The following DHCR7 variants were observed in gnomAD, a reference collection of about 807,000 sequenced individuals.
DHCR7 encodes the protein 7-DHC reductase.
A neutral mutation model predicts 43.3 loss-of-function variants in DHCR7; 40 were observed. That is an observed-to-expected ratio of 0.92 (90% CI 0.72 to 1.20). The LOEUF is 1.20. Among genes scored for constraint, DHCR7 ranks in the 50% most tolerant of loss-of-function variants. The probability of loss-of-function intolerance (pLI) is 0.00; values close to 1 mark genes in which losing one functional copy is unlikely to be tolerated. For synonymous variants in DHCR7, 298 were observed against 271.4 expected (o/e 1.10, Z -0.96); for missense variants, 608 against 644.6 (o/e 0.94, Z 0.62).
intron 6 of DHCR7, among the ~76,000 whole-genome samples, chr11:71,439,771 G>C (rs567798015): frequency 3.9e-5 from 6 of 152,156 alleles, no homozygotes; most frequent in Non-Finnish European, 8.8e-5. Flanking sequence ...CCTCAGGTAG[G>C]GTAAGTAGAA....
At chr11:71,439,493 G>A (rs758361900) in intron 6 of DHCR7, among the ~76,000 whole-genome samples, 20 of 152,234 alleles carry the variant, frequency 1.3e-4, no homozygotes, top group African/African-American at 3.1e-4. Flanking sequence ...CCAAGCACAC[G>A]GTTTGAAGCC....
intron 6 of DHCR7, 48 bp downstream of exon 6, chr11:71,441,179 G>A (rs1949343392): frequency 6.3e-7 from 1 of 1,576,698 alleles, no homozygotes; most frequent in Non-Finnish European, 8.7e-7. Context: ...GGCCAGGGGT[G>A]AAGTTTGCAC....
At chr11:71,442,187 A>T in intron 5 of DHCR7, 76 bp downstream of exon 5, 1 of 1,067,260 alleles carries the variant, frequency 9.4e-7, no homozygotes, top group Non-Finnish European at 1.4e-6. Flanking sequence ...GGGACAAAGC[A>T]GCGCTGGGGA....
In DHCR7 at chr11:71,444,225, C is replaced by T. The variant is rs189549129; in HGVS notation, c.99-10G>A. On this transcript the variant is annotated splice_polypyrimidine_tract_variant and intron_variant, in intron 3 of 8. Coordinates refer to ENST00000355527, the MANE Select transcript of DHCR7 (RefSeq NM_001360.3). ...AAACCAGTCCACCTCCCTGCGAGGA[C>T]GGATGCAGGCAGTCACACTGGGGCC... 1,320 of 1,567,456 alleles carry T rather than the reference C, an allele frequency of 8.4e-4. 16 individuals carry two copies. In the African/African-American group the frequency reaches 0.016, roughly 19 times the overall value.
chr11:71,448,545 C>G (rs1949430272), upstream of DHCR7: 1 of 152,304 alleles, frequency 6.6e-6, no homozygotes, highest in South Asian at 2.1e-4. Context: ...AGCGGCCGGA[C>G]TCGAGATTGA....
chr11:71,443,791 G>A (rs1462809990), intron 4 of DHCR7, among the ~76,000 whole-genome samples: 1 of 152,122 alleles, frequency 6.6e-6, no homozygotes, highest in Non-Finnish European at 1.5e-5. Context: ...TGTATCAAAC[G>A]CTGATGTGAC....
chr11:71,438,864 A>C lies in DHCR7; in HGVS notation c.831+15T>G, dbSNP rs1188157164. The C allele has an allele frequency of 6.2e-7, 1 of 1,613,106 alleles. No individual in the cohort carries two copies. Among genetic ancestry groups the C allele is most frequent in the Non-Finnish European group, 8.5e-7 (1 of 1,179,754 alleles). On this transcript the variant is annotated intron_variant, in intron 7 of 8. Coordinates refer to ENST00000355527, the MANE Select transcript of DHCR7 (RefSeq NM_001360.3). The stretch of plus-strand genomic sequence containing the variant: ...CCGGCATCGGCGTTTCACCCTCTCC[A>C]GCCATGACAGGCACCTGCAGGACGT...
In DHCR7 at chr11:71,437,805, T is replaced by C. The variant is rs775201083; in HGVS notation, c.963+7A>G. The C allele has an allele frequency of 2.5e-6, 4 of 1,613,592 alleles. No homozygotes were observed. The African/African-American group carries it at 5.3e-5, about 22-fold the overall frequency. On this transcript the variant is annotated splice_region_variant and intron_variant, in intron 8 of 8. Transcript: ENST00000355527. Reference sequence around the variant, plus strand: ...CCCCGCTGGGCCAGCTCTGCCCACCTCCTCACCTGCAGCGTGTAAAGATAA... The same window carrying C: ...CCCCGCTGGGCCAGCTCTGCCCACCCCCTCACCTGCAGCGTGTAAAGATAA...
chr11:71,439,220 T>C, intron 6 of DHCR7, 137 bp from the exon 7 acceptor site: 1 of 820,224 alleles, frequency 1.2e-6, no homozygotes, highest in Non-Finnish European at 2.0e-6. Context: ...AAGCTGGCCA[T>C]GAGCCGCTGG....
At chr11:71,437,004 G>C (rs948823299) in intron 8 of DHCR7, among the ~76,000 whole-genome samples, 1 of 152,164 alleles carries the variant, frequency 6.6e-6, no homozygotes, top group African/African-American at 2.4e-5. Context: ...TGGAGAAATG[G>C]GGCCGGGTGG....
At chr11:71,444,760 G>T in intron 3 of DHCR7, 95 bp downstream of exon 3, 3 of 1,074,116 alleles carry the variant, frequency 2.8e-6, no homozygotes, top group African/African-American at 1.6e-5. Context: ...TTTTAAAAAG[G>T]TCCTTCATTC....
At chr11:71,445,027 AC>A in intron 2 of DHCR7, 69 bp from the exon 3 acceptor site, 1 of 1,371,530 alleles carries the variant, frequency 7.3e-7, no homozygotes, top group Non-Finnish European at 1.0e-6. Context: ...TGTTGCATCC[AC>A]CACTGCTCCT....
At position 71,444,925 on chromosome 11, in the gene DHCR7, G is replaced by C. The variant is rs139166382; in HGVS notation, c.28C>G (p.Pro10Ala). The change falls in exon 3 of 9, where the codon CCC (proline) becomes GCC (alanine). Residue 10 changes from proline (P) to alanine (A), a missense_variant. By Grantham distance (27) the Pro-to-Ala change is conservative. Transcript: ENST00000355527. MAAKSQPNI[P>A]KAKSLDGVTN... Reference sequence around the variant, plus strand: ...ACGCCATCTAGACTCTTGGCTTTGGGAATGTTGGGTTGCGATTTTGCAGCC... The same window carrying C: ...ACGCCATCTAGACTCTTGGCTTTGGCAATGTTGGGTTGCGATTTTGCAGCC... 5.1e-5 allele frequency: 83 copies of C among 1,614,176 alleles called. No homozygotes were observed. The African/African-American group carries it at 1.1e-3, about 21-fold the overall frequency.
upstream of DHCR7, chr11:71,448,696 C>G (rs1413665840): frequency 1.3e-5 from 2 of 152,296 alleles, no homozygotes; most frequent in Non-Finnish European, 2.9e-5. Flanking sequence ...GCGCGGAGAA[C>G]GCGCCAGGCT....
intron 5 of DHCR7, 120 bp downstream of exon 5, chr11:71,442,143 A>G (rs558566634): frequency 2.9e-4 from 235 of 817,730 alleles, no homozygotes; most frequent in Middle Eastern, 9.9e-4. Context: ...GAAAAATCCA[A>G]GCAAAATGGA....
intron 5 of DHCR7, 80 bp from the exon 6 acceptor site, chr11:71,441,520 G>A (rs574541408): frequency 8.8e-6 from 11 of 1,243,274 alleles, no homozygotes; most frequent in African/African-American, 4.5e-5. Context: ...CATGCCTGGC[G>A]GGGGCCCTGG....
downstream of DHCR7, among the ~76,000 whole-genome samples, chr11:71,432,765 G>C (rs1949236267): frequency 6.6e-6 from 1 of 152,190 alleles, no homozygotes; most frequent in Non-Finnish European, 1.5e-5. Context: ...CATTTGGGGT[G>C]AGTTGCTTTA....
chr11:71,442,150 T>A, intron 5 of DHCR7, 113 bp downstream of exon 5: 1 of 852,764 alleles, frequency 1.2e-6, no homozygotes, highest in East Asian at 2.7e-5. Context: ...CCAAGCAAAA[T>A]GGATTTCTAT....
In DHCR7 at chr11:71,435,570, G is replaced by T; in HGVS notation, c.1233C>A (p.Asp411Glu). 1.2e-6 allele frequency: 2 copies of T among 1,610,862 alleles called. No individual in the cohort carries two copies. The highest frequency in any genetic ancestry group is 1.7e-6 in the Non-Finnish European group (2 of 1,179,876). The change falls in exon 9 of 9, where the codon GAC (aspartate) becomes GAA (glutamate). Residue 411 changes from aspartate to glutamate, a missense_variant. Coordinates refer to ENST00000355527, the MANE Select transcript of DHCR7 (RefSeq NM_001360.3). ...GVARHFNYVG[D>E]LMGSLAYCLA... is the part of the protein sequence containing the mutation. The stretch of plus-strand genomic sequence containing the variant: ...GGCAGTAGGCCAGGCTGCCCATCAG[G>T]TCGCCGACGTAGTTGAAGTGGCGGG...
Sources: allele counts gnomAD v4.1 joint callset (sites outside exome capture counted in the v4.1 genomes callset), GRCh38; gene constraint gnomAD v4.1.1; transcripts MANE v1.5; gene names NCBI Gene and HGNC (gene_info 2026-07-23, HGNC 2026-07-21).